P4HA3: variants seen among roughly 807,000 people sequenced by gnomAD.
The protein encoded by P4HA3 is prolyl 4-hydroxylase subunit alpha 3.
P4HA3 carries 60 observed loss-of-function variants against 66.7 expected under a neutral mutation model. The observed-to-expected ratio is 0.90, with a 90% CI of 0.73 to 1.12. P4HA3 has a LOEUF of 1.12. Ranked by LOEUF, P4HA3 falls within the 50% of genes most tolerant of loss-of-function variation. P4HA3 has a pLI of 0.00. For synonymous variants in P4HA3, 263 were observed against 274.6 expected (o/e 0.96, Z 0.42); for missense variants, 683 against 685.8 (o/e 1.00, Z 0.05).
intron 9 of P4HA3, among the ~76,000 whole-genome samples, chr11:74,274,880 A>AT (rs1183799836): frequency 1.3e-5 from 2 of 152,212 alleles, no homozygotes; most frequent in Admixed American, 6.5e-5. Flanking sequence ...TGTAGCCATC[A>AT]TAAGAGAGTG....
At chr11:74,274,366 C>T (rs1340024290) in intron 9 of P4HA3, among the ~76,000 whole-genome samples, 4 of 148,210 alleles carry the variant, frequency 2.7e-5, no homozygotes, top group Non-Finnish European at 5.9e-5. Context: ...AGTGCAGTGG[C>T]GTGATCTCAG....
In P4HA3 at chr11:74,277,038, C is replaced by T. The variant is rs1215980489; in HGVS notation, c.1282G>A (p.Val428Met). The T allele has an allele frequency of 7.4e-6, 12 of 1,614,062 alleles. No homozygotes were observed. Among genetic ancestry groups the T allele is most frequent in the South Asian group, 1.1e-5 (1 of 91,076 alleles). ...VRPPYAEYLQ[V>M]VNYGIGGHYE... ...TGTCCTCCGATGCCATAGTTCACCA[C>T]CTGCAGATACTCTGCATAGGGAGGC... The change falls in exon 9 of 13, where the codon GTG becomes ATG. Residue 428 changes from valine (V) to methionine (M), a missense_variant. Transcript: ENST00000331597.
At chr11:74,291,026 T>C (rs1861002852) in intron 4 of P4HA3, among the ~76,000 whole-genome samples, 1 of 152,226 alleles carries the variant, frequency 6.6e-6, no homozygotes, top group African/African-American at 2.4e-5. Flanking sequence ...ATCTATAAAT[T>C]ACTTTGGGCA....
At chr11:74,257,895 CTAGT>C (rs776460273) in intron 15 of P4HA3, among the ~76,000 whole-genome samples, 3 of 152,016 alleles carry the variant, frequency 2.0e-5, no homozygotes, top group African/African-American at 7.2e-5. Context: ...AAGAAAGAGA[CTAGT>C]TAGATTTCAA....
intron 9 of P4HA3, among the ~76,000 whole-genome samples, chr11:74,275,765 G>T (rs1860373198): frequency 6.6e-6 from 1 of 152,052 alleles, no homozygotes; most frequent in Non-Finnish European, 1.5e-5. Flanking sequence ...CAATTTTGGG[G>T]AGGTCATTTT....
At chr11:74,284,306 A>T (rs760316867) in intron 7 of P4HA3, among the ~76,000 whole-genome samples, 6 of 152,220 alleles carry the variant, frequency 3.9e-5, no homozygotes, top group Non-Finnish European at 5.9e-5. Flanking sequence ...TGTTAACTGC[A>T]GTAGTGCCCA....
At chr11:74,258,204 G>A (rs760064035) in intron 15 of P4HA3, among the ~76,000 whole-genome samples, 1 of 152,106 alleles carries the variant, frequency 6.6e-6, no homozygotes, top group Non-Finnish European at 1.5e-5. Flanking sequence ...CTTATTCCTC[G>A]AGCTGGCTTC....
chr11:74,297,484 T>C (rs1861261765), intron 4 of P4HA3, among the ~76,000 whole-genome samples: 1 of 152,238 alleles, frequency 6.6e-6, no homozygotes, highest in Non-Finnish European at 1.5e-5. Flanking sequence ...TGGAGATTTT[T>C]GCAGCCTACC....
intron 5 of P4HA3, chr11:74,286,976 T>C: frequency 1.9e-6 from 1 of 521,286 alleles, no homozygotes; most frequent in Non-Finnish European, 2.5e-6. Flanking sequence ...TTGGCTCCAC[T>C]AGATCTTTCA....
rs774296997 is a variant in P4HA3 at position 74,286,221 on chromosome 11, A to G, written c.933+7T>C. The G allele has an allele frequency of 6.2e-7, 1 of 1,610,910 alleles. No homozygotes were observed. The highest frequency in any genetic ancestry group is 8.5e-7 in the Non-Finnish European group (1 of 1,179,176). On this transcript the variant is annotated splice_region_variant and intron_variant, in intron 6 of 12. Coordinates refer to ENST00000331597, the MANE Select transcript of P4HA3 (RefSeq NM_182904.5). ...CTCCCCCTTTCTCTTTCCCTGAGGA[A>G]TCCTACCTGGGAACCCAGGGTCTGA... is the stretch of plus-strand genomic sequence containing the variant.
At chr11:74,278,910 G>A (rs1860492447) in intron 8 of P4HA3, among the ~76,000 whole-genome samples, 1 of 151,998 alleles carries the variant, frequency 6.6e-6, no homozygotes, top group Admixed American at 6.5e-5. Context: ...GGGTGGGCAG[G>A]GCTGGAGGGG....
chr11:74,304,963 C>T (rs115462417), intron 1 of P4HA3, among the ~76,000 whole-genome samples: 2,012 of 152,240 alleles, frequency 0.013, 45 homozygotes, highest in African/African-American at 0.044. Context: ...AAGGAGCACA[C>T]AACCTAGATC....
chr11:74,307,703 G>A (rs80344913), intron 1 of P4HA3, among the ~76,000 whole-genome samples: 4,492 of 152,258 alleles, frequency 0.03, 72 homozygotes, highest in African/African-American at 0.038. Context: ...AAATACTGCT[G>A]AGAATGGAAA....
intron 15 of P4HA3, chr11:74,251,341 A>G: frequency 2.9e-6 from 4 of 1,358,000 alleles, no homozygotes; most frequent in Non-Finnish European, 3.8e-6. Flanking sequence ...TCCCTAAACC[A>G]CAGGCACAGT....
intron 11 of P4HA3, among the ~76,000 whole-genome samples, chr11:74,268,571 G>T (rs1440891700): frequency 6.6e-6 from 1 of 152,206 alleles, no homozygotes; most frequent in Non-Finnish European, 1.5e-5. Context: ...GAGCACATTT[G>T]TCATTGGGTC....
rs189563160 is a variant in P4HA3 at position 74,279,691 on chromosome 11, G to A, written c.1111-239C>T. Among the ~76,000 whole-genome samples the A allele has an allele frequency of 3.1e-3, 477 of 152,284 alleles. 3 individuals are homozygous for A. In the Middle Eastern group the frequency reaches 0.034, roughly 11 times the overall value. ...ATAACCTTTAACACTGTGTCTAGTCGACAGTAAGCACTCAATAAAAGTTTG... is the reference window on the plus strand; with the variant it reads ...ATAACCTTTAACACTGTGTCTAGTCAACAGTAAGCACTCAATAAAAGTTTG... On this transcript the variant is annotated intron_variant, in intron 7 of 12. Coordinates refer to ENST00000331597, the MANE Select transcript of P4HA3 (RefSeq NM_182904.5).
At chr11:74,291,355 T>C (rs1861016519) in intron 4 of P4HA3, among the ~76,000 whole-genome samples, 1 of 152,170 alleles carries the variant, frequency 6.6e-6, no homozygotes, top group Non-Finnish European at 1.5e-5. Flanking sequence ...GCTGAGACGA[T>C]GGGGTTTTCT....
intron 3 of P4HA3, among the ~76,000 whole-genome samples, chr11:74,301,612 C>T (rs1163332935): frequency 1.3e-5 from 2 of 152,212 alleles, no homozygotes; most frequent in Non-Finnish European, 2.9e-5. Flanking sequence ...AAAAATACAC[C>T]TTACTGCAAT....
intron 2 of P4HA3, among the ~76,000 whole-genome samples, chr11:74,302,899 TTTTC>T (rs1292411478): frequency 6.6e-6 from 1 of 152,118 alleles, no homozygotes; most frequent in Non-Finnish European, 1.5e-5. Context: ...CTTTTTCTTT[TTTTC>T]TTTTTCTTTT....
Sources: gnomAD v4.1 joint callset for allele counts (sites outside exome capture counted in the v4.1 genomes callset) on GRCh38, gnomAD v4.1.1 for gene constraint, MANE v1.5 for transcripts, NCBI Gene and HGNC (gene_info 2026-07-23, HGNC 2026-07-21) for gene names.